Variants in CLVS1 observed in about 807,000 individuals in gnomAD.
The protein encoded by CLVS1 is clavesin-1.
CLVS1 carries 10 observed loss-of-function variants against 33.1 expected under a neutral mutation model. The observed-to-expected ratio is 0.30, with a 90% CI of 0.19 to 0.51. The LOEUF (loss-of-function observed/expected upper bound fraction) is 0.51, where lower values mean the gene tolerates loss of function less well. Ranked by LOEUF, CLVS1 falls within the 20% of genes least tolerant of loss-of-function variation. The pLI is 0.97. For missense variants in CLVS1, 343 were observed against 433.4 expected, an observed-to-expected ratio of 0.79 and a Z score of 1.85; for synonymous variants, 163 against 166.1, an observed-to-expected ratio of 0.98 and a Z score of 0.14.
chr8:61,416,301 GCTAGATACATACATACATACATACATAC>G (rs1405645476), intron 3 of CLVS1, among the ~76,000 whole-genome samples: 3 of 137,150 alleles, frequency 2.2e-5, no homozygotes, highest in Non-Finnish European at 4.5e-5. Flanking sequence ...TAGCTAGCTA[GCTAGATACATACATACATACATACATAC>G]ATACATACAT....
intron 5 of CLVS1, among the ~76,000 whole-genome samples, chr8:61,469,107 A>G (rs1400896132): frequency 6.6e-6 from 1 of 152,170 alleles, no homozygotes; most frequent in African/African-American, 2.4e-5. Context: ...GGCCATGACC[A>G]CTCAACAAAT....
At chr8:61,196,123 AT>A (rs1807601503) in intron 2 of CLVS1, among the ~76,000 whole-genome samples, 1 of 152,196 alleles carries the variant, frequency 6.6e-6, no homozygotes, top group Non-Finnish European at 1.5e-5. Context: ...TCATGAATTC[AT>A]TTGTTCATTT....
At chr8:61,245,609 CATCTT>C (rs1452423399) in intron 2 of CLVS1, among the ~76,000 whole-genome samples, 1 of 151,740 alleles carries the variant, frequency 6.6e-6, no homozygotes, top group Non-Finnish European at 1.5e-5. Flanking sequence ...CTGGGGCAAA[CATCTT>C]ATATCATCAG....
intron 1 of CLVS1, among the ~76,000 whole-genome samples, chr8:61,085,049 T>TA (rs1313230426): frequency 1.3e-5 from 2 of 152,188 alleles, no homozygotes; most frequent in Non-Finnish European, 2.9e-5. Context: ...TCAGAACTGC[T>TA]ATATTAGCAA....
At chr8:61,002,522 C>A in the CLVS1 span, among the ~76,000 whole-genome samples, 1 of 151,572 alleles carries the variant, frequency 6.6e-6, no homozygotes, top group Non-Finnish European at 1.5e-5. Flanking sequence ...TTAGTAGAGA[C>A]GGGGTTTCAC....
At chr8:61,159,196 C>T (rs979205938) in intron 2 of CLVS1, among the ~76,000 whole-genome samples, 4 of 152,170 alleles carry the variant, frequency 2.6e-5, no homozygotes, top group African/African-American at 9.7e-5. Flanking sequence ...TCTTTATGTT[C>T]CTTGGTTGTG....
intron 2 of CLVS1, among the ~76,000 whole-genome samples, chr8:61,165,711 A>G (rs1419323701): frequency 1.3e-5 from 2 of 152,186 alleles, no homozygotes; most frequent in African/African-American, 2.4e-5. Context: ...GCTAAAATGT[A>G]TAAAACTAAC....
At chr8:61,056,073 A>C (rs552030071), upstream of CLVS1, among the ~76,000 whole-genome samples, 1 of 152,228 alleles carries the variant, frequency 6.6e-6, no homozygotes, top group African/African-American at 2.4e-5. Context: ...TTTCACACTG[A>C]CCAGTGTAGG....
chr8:60,999,062 C>A, the CLVS1 span, among the ~76,000 whole-genome samples: 1 of 152,004 alleles, frequency 6.6e-6, no homozygotes, highest in Admixed American at 6.6e-5. Flanking sequence ...TGTGTGGGAT[C>A]GAGGCGACAG....
chr8:61,279,470 C>G (rs3912537), intron 2 of CLVS1, among the ~76,000 whole-genome samples: 40,949 of 152,102 alleles, frequency 0.27, 7,980 homozygotes, highest in East Asian at 0.85. Context: ...CTTGTAGTAG[C>G]TAAAAAGACC....
chr8:61,499,625 C>G lies in CLVS1; in HGVS notation c.*83C>G. On this transcript the variant is annotated 3_prime_UTR_variant, in exon 6 of 6. Coordinates refer to ENST00000325897, the MANE Select transcript of CLVS1 (RefSeq NM_173519.3). ...GAAGCACATGCACAACTGACCCATGCAGACACGTGTGTTCTGCTTGACACA... is the reference window on the plus strand; with the variant it reads ...GAAGCACATGCACAACTGACCCATGGAGACACGTGTGTTCTGCTTGACACA... 1 of 944,570 alleles carries G rather than the reference C, an allele frequency of 1.1e-6. No individual in the cohort carries two copies. Among genetic ancestry groups the G allele is most frequent in the Non-Finnish European group, 1.7e-6 (1 of 583,756 alleles). The allele number at this position is 944,570 out of a possible 1,614,324, so 58.5% of individuals were successfully genotyped here.
chr8:61,030,644 T>C, the CLVS1 span, among the ~76,000 whole-genome samples: 1 of 152,182 alleles, frequency 6.6e-6, no homozygotes, highest in African/African-American at 2.4e-5. Context: ...GCCGAGAAGG[T>C]GGCTGTGGAC....
At chr8:61,201,832 C>T (rs1807739263) in intron 2 of CLVS1, among the ~76,000 whole-genome samples, 1 of 152,226 alleles carries the variant, frequency 6.6e-6, no homozygotes, top group Non-Finnish European at 1.5e-5. Context: ...ATTTAATTTA[C>T]TCAGCAAGGC....
In CLVS1 at chr8:61,367,731, A is replaced by T. The variant is rs534593492; in HGVS notation, c.456-8874A>T. On this transcript the variant is annotated intron_variant, in intron 2 of 5. Transcript: ENST00000325897. ...AATGAAACCACACAGAGATTAAGTT[A>T]CTTGCTAACCTTACATAGGACAGCT... Among the ~76,000 whole-genome samples the T allele has an allele frequency of 3.3e-5, 5 of 152,334 alleles. No individual in the cohort carries two copies. The East Asian group carries it at 9.6e-4, about 29-fold the overall frequency.
chr8:61,455,991 C>G (rs959528137), intron 4 of CLVS1, among the ~76,000 whole-genome samples: 6 of 152,228 alleles, frequency 3.9e-5, no homozygotes, highest in Admixed American at 2.0e-4. Context: ...TAAAACCCAT[C>G]TGGGGCTCAG....
intron 2 of CLVS1, among the ~76,000 whole-genome samples, chr8:61,336,070 G>A (rs904404614): frequency 4.6e-5 from 7 of 152,050 alleles, no homozygotes; most frequent in East Asian, 1.9e-4. Flanking sequence ...GCAAGAGGAC[G>A]GGTCTCTGCT....
intron 3 of CLVS1, among the ~76,000 whole-genome samples, chr8:61,436,640 C>T (rs948195097): frequency 6.6e-6 from 1 of 152,168 alleles, no homozygotes; most frequent in Admixed American, 6.5e-5. Flanking sequence ...GTCCTGGATT[C>T]TTCTCATATT....
In CLVS1 at chr8:61,458,708, G is replaced by A. The variant is rs916401990; in HGVS notation, c.977+166G>A. The A allele has an allele frequency of 5.3e-6, 3 of 565,570 alleles. No homozygotes were observed. In the Admixed American group the frequency reaches 1.1e-4, roughly 20 times the overall value. The allele number at this position is 565,570 out of a possible 1,614,324, so 35.0% of individuals were successfully genotyped here. A position where few individuals can be genotyped will look rare whatever the true frequency, so the allele number is the denominator to read the frequency against. ...TTTCACTAAAACTGAAAACAAATGGGGCTTGGCTGGCCCAGCACTATAGTT... is the reference window on the plus strand; with the variant it reads ...TTTCACTAAAACTGAAAACAAATGGAGCTTGGCTGGCCCAGCACTATAGTT... On this transcript the variant is annotated intron_variant, in intron 5 of 5. Coordinates refer to ENST00000325897, the MANE Select transcript of CLVS1 (RefSeq NM_173519.3).
At chr8:60,995,321 A>AC in the CLVS1 span, among the ~76,000 whole-genome samples, 1 of 152,058 alleles carries the variant, frequency 6.6e-6, no homozygotes, top group African/African-American at 2.4e-5. Context: ...ACAAGAAAAA[A>AC]ACAAACAACC....
Sources: allele counts gnomAD v4.1 joint callset (sites outside exome capture counted in the v4.1 genomes callset), GRCh38; gene constraint gnomAD v4.1.1; transcripts MANE v1.5; gene names NCBI Gene and HGNC (gene_info 2026-07-23, HGNC 2026-07-21).